SHISA9: variants seen among roughly 807,000 people sequenced by gnomAD.
SHISA9 encodes shisa family member 9, also known as protein shisa-9.
Under a neutral mutation model 38.0 loss-of-function variants are expected in SHISA9, and 13 were observed. The observed-to-expected ratio is 0.34, with a 90% CI of 0.22 to 0.54. SHISA9 has a LOEUF of 0.54. SHISA9 is among the 20% of genes least tolerant of loss of function. SHISA9 has a pLI of 0.91. For missense variants in SHISA9, 538 were observed against 575.8 expected, an observed-to-expected ratio of 0.93 and a Z score of 0.67; for synonymous variants, 275 against 242.0, an observed-to-expected ratio of 1.14 and a Z score of -1.27.
intron 2 of SHISA9, among the ~76,000 whole-genome samples, chr16:13,119,954 G>A (rs1278177762): frequency 1.3e-5 from 2 of 152,174 alleles, no homozygotes; most frequent in Admixed American, 6.5e-5. Context: ...GGATGATCTC[G>A]GAAAGATGGG....
At chr16:13,528,698 G>T in the SHISA9 span, among the ~76,000 whole-genome samples, 1 of 152,138 alleles carries the variant, frequency 6.6e-6, no homozygotes, top group Non-Finnish European at 1.5e-5. Flanking sequence ...CCCTGTTCCA[G>T]CACCAGTTAA....
intron 2 of SHISA9, among the ~76,000 whole-genome samples, chr16:12,988,915 T>G (rs1426768930): frequency 1.3e-5 from 2 of 152,208 alleles, no homozygotes; most frequent in African/African-American, 2.4e-5. Flanking sequence ...CCTGAGTACT[T>G]ACAACCTGCC....
the SHISA9 span, among the ~76,000 whole-genome samples, chr16:13,252,360 T>C: frequency 6.6e-6 from 1 of 152,210 alleles, no homozygotes; most frequent in Non-Finnish European, 1.5e-5. Flanking sequence ...ACTTGGGAGA[T>C]AGGTTGCTAC....
chr16:13,294,237 A>C, the SHISA9 span, among the ~76,000 whole-genome samples: 3 of 152,190 alleles, frequency 2.0e-5, no homozygotes, highest in African/African-American at 7.2e-5. Context: ...GATAACATCT[A>C]TTATTATATA....
chr16:12,957,350 G>T (rs1309419296), intron 2 of SHISA9, among the ~76,000 whole-genome samples: 1 of 152,146 alleles, frequency 6.6e-6, no homozygotes, highest in Non-Finnish European at 1.5e-5. Flanking sequence ...AGAGTGGGTG[G>T]CTTATAAACA....
At chr16:12,941,553 T>A (rs894035878) in intron 2 of SHISA9, among the ~76,000 whole-genome samples, 19 of 152,332 alleles carry the variant, frequency 1.2e-4, no homozygotes, top group Middle Eastern at 3.4e-3. Flanking sequence ...TTCAGTTATT[T>A]TAAAATATAA....
the SHISA9 span, among the ~76,000 whole-genome samples, chr16:13,425,236 G>A: frequency 2.0e-5 from 3 of 152,094 alleles, no homozygotes. Flanking sequence ...GCTCACACCT[G>A]TAATCCCAAC....
chr16:12,904,635 A>G (rs1216508997), intron 1 of SHISA9, among the ~76,000 whole-genome samples: 1 of 152,188 alleles, frequency 6.6e-6, no homozygotes, highest in Non-Finnish European at 1.5e-5. Flanking sequence ...AGGGTACCAG[A>G]GCCTCAACAC....
chr16:13,103,135 G>A (rs967454130), intron 2 of SHISA9, among the ~76,000 whole-genome samples: 23 of 152,188 alleles, frequency 1.5e-4, no homozygotes, highest in Non-Finnish European at 2.9e-5. Flanking sequence ...CTTATCCAAA[G>A]TCATTTAACT....
the SHISA9 span, among the ~76,000 whole-genome samples, chr16:13,335,819 T>G: frequency 6.6e-6 from 1 of 152,196 alleles, no homozygotes; most frequent in Non-Finnish European, 1.5e-5. Context: ...CCTTAGGACC[T>G]GGGCAGGACT....
intron 2 of SHISA9, among the ~76,000 whole-genome samples, chr16:13,041,949 C>G (rs7192529): frequency 0.046 from 7,079 of 152,312 alleles, 511 homozygotes; most frequent in African/African-American, 0.16. Flanking sequence ...GGCTCCCCCT[C>G]TCCCTCTTGC....
intron 2 of SHISA9, among the ~76,000 whole-genome samples, chr16:12,999,828 C>T (rs571438846): frequency 2.2e-4 from 34 of 152,126 alleles, no homozygotes; most frequent in South Asian, 6.2e-4. Flanking sequence ...TCCTGCTTCC[C>T]GCAATGCCCT....
chr16:12,986,195 C>T (rs752144403), intron 2 of SHISA9, among the ~76,000 whole-genome samples: 8 of 152,244 alleles, frequency 5.3e-5, no homozygotes, highest in South Asian at 2.1e-4. Context: ...TGAAGATAGC[C>T]GGTATGTACA....
intron 2 of SHISA9, among the ~76,000 whole-genome samples, chr16:13,188,237 A>G (rs1044194843): frequency 2.6e-5 from 4 of 152,194 alleles, no homozygotes; most frequent in Admixed American, 1.3e-4. Flanking sequence ...AAGCTCATGC[A>G]TTTTTCTTGG....
At chr16:13,433,600 C>G in the SHISA9 span, among the ~76,000 whole-genome samples, 1 of 152,130 alleles carries the variant, frequency 6.6e-6, no homozygotes, top group East Asian at 1.9e-4. Flanking sequence ...CAACCTGCCT[C>G]TAAGATTCAT....
the SHISA9 span, among the ~76,000 whole-genome samples, chr16:13,551,024 G>A: frequency 6.6e-6 from 1 of 151,956 alleles, no homozygotes; most frequent in African/African-American, 2.4e-5. Flanking sequence ...TTGGGAGGCT[G>A]AGGCAAGGAG....
intron 2 of SHISA9, among the ~76,000 whole-genome samples, chr16:13,133,142 C>G (rs946134271): frequency 9.2e-5 from 14 of 152,162 alleles, no homozygotes; most frequent in African/African-American, 2.4e-4. Flanking sequence ...ATAAGGTGAG[C>G]AGTCCCCCAG....
chr16:13,371,845 C>T, the SHISA9 span, among the ~76,000 whole-genome samples: 1 of 152,220 alleles, frequency 6.6e-6, no homozygotes, highest in Non-Finnish European at 1.5e-5. Flanking sequence ...TCAGGTGCCC[C>T]TACTTTTCAC....
the SHISA9 span, among the ~76,000 whole-genome samples, chr16:13,498,935 T>G: frequency 6.6e-6 from 1 of 152,174 alleles, no homozygotes; most frequent in South Asian, 2.1e-4. Flanking sequence ...GCCTTCTTTT[T>G]CCACCTCCTT....
Sources: gnomAD v4.1 joint callset for allele counts (sites outside exome capture counted in the v4.1 genomes callset) on GRCh38, gnomAD v4.1.1 for gene constraint, MANE v1.5 for transcripts, NCBI Gene and HGNC (gene_info 2026-07-23, HGNC 2026-07-21) for gene names.